Variants in RIMS1 observed in about 807,000 individuals in gnomAD.
RIMS1 encodes the protein regulating synaptic membrane exocytosis 1.
RIMS1 carries 83 observed loss-of-function variants against 214.1 expected under a neutral mutation model. The observed-to-expected ratio is 0.39, with a 90% CI of 0.32 to 0.47. RIMS1 has a LOEUF of 0.47. Among genes scored for constraint, RIMS1 ranks in the 20% least tolerant of loss-of-function variants. The pLI, the probability that RIMS1 is intolerant of heterozygous loss-of-function variation, is 0.99. For synonymous variants in RIMS1, 793 were observed against 786.8 expected (o/e 1.01, Z -0.13); for missense variants, 2,050 against 2,161.8 (o/e 0.95, Z 1.03).
intron 29 of RIMS1, among the ~76,000 whole-genome samples, chr6:72,350,059 A>G (rs1427424801): frequency 1.3e-5 from 2 of 152,116 alleles, no homozygotes; most frequent in Admixed American, 1.3e-4. Flanking sequence ...TTGGCTTTCT[A>G]TAATGCTTAA....
At chr6:72,123,988 G>A (rs1224902597) in intron 4 of RIMS1, among the ~76,000 whole-genome samples, 2 of 151,778 alleles carry the variant, frequency 1.3e-5, no homozygotes, top group Non-Finnish European at 2.9e-5. Flanking sequence ...GGTTAATATT[G>A]TTATGTGTGA....
intron 2 of RIMS1, among the ~76,000 whole-genome samples, chr6:72,085,129 G>C (rs570219476): frequency 1.3e-5 from 2 of 152,040 alleles, no homozygotes; most frequent in African/African-American, 4.8e-5. Context: ...TGACAGAATT[G>C]AATGCAAAAA....
intron 2 of RIMS1, among the ~76,000 whole-genome samples, chr6:72,058,076 AC>A (rs1826834689): frequency 6.6e-6 from 1 of 152,254 alleles, no homozygotes; most frequent in Non-Finnish European, 1.5e-5. Flanking sequence ...TACTTGATTC[AC>A]CTGAAGGTGG....
intron 24 of RIMS1, among the ~76,000 whole-genome samples, chr6:72,290,403 AC>A (rs538634993): frequency 3.3e-4 from 50 of 152,216 alleles, no homozygotes; most frequent in South Asian, 2.5e-3. Flanking sequence ...ACAAAACAAA[AC>A]AAACAGACAG....
In RIMS1 at chr6:72,296,908, A is replaced by G. The variant is rs961312813; in HGVS notation, c.3850+4862A>G. The stretch of plus-strand genomic sequence containing the variant: ...GTAGACTACAAACCCAGATCTTTTT[A>G]CTTTCGACCTTTTCCTCTACATGTT... On this transcript the variant is annotated intron_variant, in intron 26 of 33. Transcript: ENST00000521978. 3.3e-5 allele frequency among the ~76,000 whole-genome samples: 5 copies of G among 151,756 alleles called. No homozygotes were observed. The East Asian group carries it at 9.6e-4, about 29-fold the overall frequency.
In RIMS1 at chr6:72,333,651, C is replaced by T. The variant is rs1186628970; in HGVS notation, c.4182C>T (p.Ser1394=). 1 of 1,597,930 alleles carries T rather than the reference C, an allele frequency of 6.3e-7. No homozygotes were observed. The highest frequency in any genetic ancestry group is 8.5e-7 in the Non-Finnish European group (1 of 1,171,976). The change falls in exon 29 of 34, where the codon TCC becomes TCT. Residue 1394 remains serine, a synonymous_variant. Coordinates refer to ENST00000521978, the MANE Select transcript of RIMS1 (RefSeq NM_014989.7). ...QGRRMGTSGR[S]IMKSTSVSGE... Reference sequence around the variant, plus strand: ...GACGGATGGGGACTTCAGGAAGATCCATCATGAAGAGCACCAGTGTCAGTG... The same window carrying T: ...GACGGATGGGGACTTCAGGAAGATCTATCATGAAGAGCACCAGTGTCAGTG...
intron 1 of RIMS1, among the ~76,000 whole-genome samples, chr6:71,964,906 G>A (rs2151295460): frequency 6.6e-6 from 1 of 152,266 alleles, no homozygotes; most frequent in Non-Finnish European, 1.5e-5. Context: ...AAGGTGGCCA[G>A]CTACAGAGCC....
chr6:72,265,045 A>C lies in RIMS1; in HGVS notation c.3187A>C (p.Ile1063Leu). ...PLLQSSSHWNIYSSILPAHTK... is the reference protein window; with the variant it reads ...PLLQSSSHWNLYSSILPAHTK... ...ATTACAGAGCAGTTCTCACTGGAAT[A>C]TTTACAGGTAAGAGCCCTAACAGTG... The change falls in exon 20 of 34, where the codon ATT (isoleucine) becomes CTT (leucine). Residue 1063 changes from isoleucine to leucine, a missense_variant. Transcript: ENST00000521978. 7 of 1,579,364 alleles carry C rather than the reference A, an allele frequency of 4.4e-6. No homozygotes were observed. The highest frequency in any genetic ancestry group is 6.1e-6 in the Non-Finnish European group (7 of 1,156,310).
intron 1 of RIMS1, among the ~76,000 whole-genome samples, chr6:71,889,422 G>A (rs968228889): frequency 6.6e-6 from 1 of 152,178 alleles, no homozygotes; most frequent in South Asian, 2.1e-4. Context: ...CTACTGGCTT[G>A]CATATATTGT....
chr6:72,241,530 G>T (rs773855894), intron 9 of RIMS1, among the ~76,000 whole-genome samples: 4 of 151,992 alleles, frequency 2.6e-5, no homozygotes, highest in Non-Finnish European at 5.9e-5. Context: ...TTTTTTTAAT[G>T]CAACATCTTT....
chr6:71,978,844 AG>A lies in RIMS1; in HGVS notation c.245+9783del, dbSNP rs1797788299. Among the ~76,000 whole-genome samples, 3 of 152,270 alleles carry A rather than the reference AG, an allele frequency of 2.0e-5. No homozygotes were observed. In the South Asian group the frequency reaches 6.2e-4, roughly 32 times the overall value. ...TTGATATTAGAAAAAATGTCCAACT[AG>A]GAAAAAAAATGTTTTCGCATTTTAG... On this transcript the variant is annotated intron_variant, in intron 2 of 33. Transcript: ENST00000521978.
At chr6:71,947,182 C>T (rs571484972) in intron 1 of RIMS1, among the ~76,000 whole-genome samples, 1 of 152,002 alleles carries the variant, frequency 6.6e-6, no homozygotes, top group African/African-American at 2.4e-5. Context: ...CCTTTTCTCT[C>T]CAGCAATGCC....
intron 1 of RIMS1, among the ~76,000 whole-genome samples, chr6:71,916,128 G>A (rs1582536418): frequency 1.3e-5 from 2 of 152,064 alleles, no homozygotes; most frequent in African/African-American, 2.4e-5. Flanking sequence ...TAAATAAAAT[G>A]GGTATGGAGG....
At chr6:72,084,044 T>A (rs900196902) in intron 2 of RIMS1, among the ~76,000 whole-genome samples, 2 of 152,242 alleles carry the variant, frequency 1.3e-5, no homozygotes, top group African/African-American at 2.4e-5. Flanking sequence ...ATGTTTACAG[T>A]GTGTTGTGCA....
Position 72,250,422 on chromosome 6 carries a change from A to G in RIMS1, c.2334A>G (p.Arg778=). ...DLPARVDGRP[R]NPYVKMYFLP... ...CTGCTAGAGTAGATGGACGTCCTCG[A>G]AATCCCTATGTAAAAATGTATTTTC... Residue 778 remains arginine, a synonymous_variant, in exon 13 of 34, where the codon CGA becomes CGG. Coordinates refer to ENST00000521978, the MANE Select transcript of RIMS1 (RefSeq NM_014989.7). 1 of 1,605,196 alleles carries G rather than the reference A, an allele frequency of 6.2e-7. No homozygotes were observed. Among genetic ancestry groups the G allele is most frequent in the Non-Finnish European group, 8.5e-7 (1 of 1,173,910 alleles).
At chr6:72,204,044 T>G (rs1440322967) in intron 6 of RIMS1, among the ~76,000 whole-genome samples, 2 of 152,188 alleles carry the variant, frequency 1.3e-5, no homozygotes, top group Non-Finnish European at 2.9e-5. Context: ...AATACAGAGT[T>G]ATATGAATCC....
chr6:72,356,959 A>G (rs1282877507), intron 29 of RIMS1, among the ~76,000 whole-genome samples: 1 of 152,178 alleles, frequency 6.6e-6, no homozygotes, highest in Non-Finnish European at 1.5e-5. Context: ...ATATAATTCA[A>G]AATTTTAAAG....
intron 1 of RIMS1, among the ~76,000 whole-genome samples, chr6:71,916,040 A>T (rs917130926): frequency 6.6e-6 from 1 of 152,106 alleles, no homozygotes; most frequent in Non-Finnish European, 1.5e-5. Context: ...AACACATAGG[A>T]ATTGTGGGAG....
At chr6:72,342,629 GTGT>G (rs2097133236) in intron 29 of RIMS1, among the ~76,000 whole-genome samples, 2 of 64,976 alleles carry the variant, frequency 3.1e-5, no homozygotes, top group Non-Finnish European at 7.7e-5. Flanking sequence ...TAAGATGGGT[GTGT>G]GTGTGTGTGT....
Sources: gnomAD v4.1 joint callset for allele counts (sites outside exome capture counted in the v4.1 genomes callset) on GRCh38, gnomAD v4.1.1 for gene constraint, MANE v1.5 for transcripts, NCBI Gene and HGNC (gene_info 2026-07-23, HGNC 2026-07-21) for gene names.